The following PTPRN2 variants were observed in gnomAD, a reference collection of about 807,000 sequenced individuals.
The protein encoded by PTPRN2 is receptor-type tyrosine-protein phosphatase N2.
A neutral mutation model predicts 118.8 loss-of-function variants in PTPRN2; 74 were observed. The ratio of observed to expected loss-of-function variants is 0.62; its 90% CI spans 0.52 to 0.76. PTPRN2 has a LOEUF of 0.76. PTPRN2 is among the 30% of genes least tolerant of loss of function. PTPRN2 has a pLI of 0.00. For missense variants in PTPRN2, 1,481 were observed against 1,394.4 expected (o/e 1.06, Z -0.99); for synonymous variants, 641 against 608.0 (o/e 1.05, Z -0.80).
intron 10 of PTPRN2, among the ~76,000 whole-genome samples, chr7:158,102,190 AG>A (rs1184185258): frequency 6.6e-6 from 1 of 152,168 alleles, no homozygotes; most frequent in African/African-American, 2.4e-5. Context: ...GGCGGCCAGG[AG>A]GGAACCTTCA....
intron 3 of PTPRN2, among the ~76,000 whole-genome samples, chr7:158,235,102 C>T (rs1053961638): frequency 3.3e-5 from 5 of 151,764 alleles, no homozygotes; most frequent in African/African-American, 1.2e-4. Context: ...TAACAAATGG[C>T]TGGCACGGAT....
intron 2 of PTPRN2, among the ~76,000 whole-genome samples, chr7:158,470,449 G>T (rs568659163): frequency 7.2e-5 from 11 of 152,312 alleles, no homozygotes; most frequent in African/African-American, 2.6e-4. Context: ...TCCTGAAAAG[G>T]TTCACGCGAG....
chr7:158,406,101 C>T (rs13307022), intron 2 of PTPRN2, among the ~76,000 whole-genome samples: 27 of 64,002 alleles, frequency 4.2e-4, no homozygotes, highest in Non-Finnish European at 6.1e-4. Flanking sequence ...GACACGTGGC[C>T]GCACACTGAG....
At chr7:158,047,284 C>A (rs1260968178) in intron 11 of PTPRN2, among the ~76,000 whole-genome samples, 1 of 152,212 alleles carries the variant, frequency 6.6e-6, no homozygotes, top group Non-Finnish European at 1.5e-5. Context: ...GCAGAACAGG[C>A]CAGGAGCCGA....
rs1315565880 is a variant in PTPRN2, at chr7:157,659,332, G to T, written c.2002-2781C>A. Among the ~76,000 whole-genome samples, 4 of 104,994 alleles carry T rather than the reference G, an allele frequency of 3.8e-5. No homozygotes were observed. The East Asian group carries it at 1.3e-3, about 35-fold the overall frequency. The allele number at this position is 104,994 out of a possible 152,430, so 68.9% of individuals were successfully genotyped here. On this transcript the variant is annotated intron_variant, in intron 13 of 22. Transcript: ENST00000389418. ...GGGGGGGATGACCCCGGGGACTGGGGGGGGACGACTGCGGGGATGGGGGGG... is the reference window on the plus strand; with the variant it reads ...GGGGGGGATGACCCCGGGGACTGGGTGGGGACGACTGCGGGGATGGGGGGG...
At chr7:157,680,602 A>C (rs1297567174) in intron 13 of PTPRN2, among the ~76,000 whole-genome samples, 3 of 152,222 alleles carry the variant, frequency 2.0e-5, no homozygotes. Context: ...GCTCCGCCAA[A>C]ACACAAATCA....
rs373949444 is a variant in PTPRN2 at position 158,406,031 on chromosome 7, G to A, written c.163+83704C>T. On this transcript the variant is annotated intron_variant, in intron 2 of 22. Transcript: ENST00000389418. ...ACACGTGGCTGCACACTGAGATCCCGGTGGCTCATCCGTGAGACACGTGGC... is the reference window on the plus strand; with the variant it reads ...ACACGTGGCTGCACACTGAGATCCCAGTGGCTCATCCGTGAGACACGTGGC... Among the ~76,000 whole-genome samples the A allele has an allele frequency of 2.1e-4, 30 of 141,686 alleles. 1 individual carries two copies. In the South Asian group the frequency reaches 4.7e-3, roughly 22 times the overall value. 93.0% of individuals were successfully genotyped at this position (141,686 alleles called of 152,430 possible).
intron 3 of PTPRN2, among the ~76,000 whole-genome samples, chr7:158,305,424 G>C (rs1202053616): frequency 6.6e-6 from 1 of 152,132 alleles, no homozygotes; most frequent in Non-Finnish European, 1.5e-5. Flanking sequence ...GGGAGGTGGA[G>C]AGAGAAAGAG....
chr7:157,741,662 C>T (rs1800640672), intron 12 of PTPRN2, among the ~76,000 whole-genome samples: 1 of 152,160 alleles, frequency 6.6e-6, no homozygotes, highest in African/African-American at 2.4e-5. Context: ...GTCAGTTTTA[C>T]TGGTTGTACG....
intron 5 of PTPRN2, among the ~76,000 whole-genome samples, chr7:158,189,434 C>A (rs776146556): frequency 1.3e-5 from 2 of 152,208 alleles, no homozygotes; most frequent in Non-Finnish European, 1.5e-5. Flanking sequence ...TTGCAGGTGA[C>A]GACTCGCTCA....
intron 3 of PTPRN2, among the ~76,000 whole-genome samples, chr7:158,275,356 T>G (rs1019873557): frequency 6.6e-6 from 1 of 152,168 alleles, no homozygotes; most frequent in Non-Finnish European, 1.5e-5. Context: ...AGCCACAGCT[T>G]CACTGTGCTG....
intron 11 of PTPRN2, among the ~76,000 whole-genome samples, chr7:157,983,346 G>C (rs1199917379): frequency 6.6e-6 from 1 of 150,378 alleles, no homozygotes; most frequent in East Asian, 2.0e-4. Flanking sequence ...GCAGTGCAGG[G>C]TCCCCCCTAA....
intron 15 of PTPRN2, among the ~76,000 whole-genome samples, chr7:157,606,945 A>G (rs1321133494): frequency 2.0e-5 from 3 of 152,196 alleles, no homozygotes; most frequent in Non-Finnish European, 4.4e-5. Context: ...AGGGGTGACA[A>G]GATGGGATAA....
chr7:157,714,167 C>T (rs967788565), intron 12 of PTPRN2, among the ~76,000 whole-genome samples: 8 of 152,162 alleles, frequency 5.3e-5, no homozygotes, highest in Admixed American at 3.9e-4. Flanking sequence ...TCACAGGTCA[C>T]GTTAGAAGGC....
At position 158,531,048 on chromosome 7, in the gene PTPRN2, G is replaced by T. The variant is rs151048760; in HGVS notation, c.113-41263C>A. ...GGTGTGTGTGTGAACATGTGCATGG[G>T]CGTGGGTGAGCATGTGCACACAAAC... On this transcript the variant is annotated intron_variant, in intron 1 of 22. Coordinates refer to ENST00000389418, the MANE Select transcript of PTPRN2 (RefSeq NM_002847.5). Among the ~76,000 whole-genome samples the T allele has an allele frequency of 1.3e-3, 194 of 152,236 alleles. 1 individual carries two copies. Among genetic ancestry groups the T allele is most frequent in the South Asian group, 7.9e-3 (38 of 4,820 alleles).
intron 1 of PTPRN2, among the ~76,000 whole-genome samples, chr7:158,501,281 C>A (rs549312752): frequency 6.6e-6 from 1 of 152,200 alleles, no homozygotes; most frequent in South Asian, 2.1e-4. Context: ...ACCCTCTCCC[C>A]GCCCGGGGCT....
At chr7:157,805,314 T>TGTGTGTGTGC (rs776700495) in intron 12 of PTPRN2, among the ~76,000 whole-genome samples, 2 of 149,042 alleles carry the variant, frequency 1.3e-5, no homozygotes, top group African/African-American at 5.1e-5. Flanking sequence ...TGTGTGTGTG[T>TGTGTGTGTGC]GTGCGTGTGC....
intron 11 of PTPRN2, among the ~76,000 whole-genome samples, chr7:157,904,974 C>T (rs751988099): frequency 3.9e-5 from 6 of 152,190 alleles, no homozygotes; most frequent in Non-Finnish European, 8.8e-5. Context: ...CGACACCTCC[C>T]GACATTATTC....
rs554461089 is a variant in PTPRN2, at chr7:157,831,727, C to T, written c.1788+66946G>A. Among the ~76,000 whole-genome samples the T allele has an allele frequency of 2.6e-5, 4 of 152,318 alleles. No homozygotes were observed. Among genetic ancestry groups the T allele is most frequent in the South Asian group, 2.1e-4 (1 of 4,820 alleles). On this transcript the variant is annotated intron_variant, in intron 12 of 22. Transcript: ENST00000389418. This position sits in a 1 kb window ranked among gnomAD's most constrained non-coding sequence, Gnocchi z 4.8. ...GAGAAGCAGGGAAGGTATAGGCTGCCGTCTCCCTCCCCCAGGCAGCTGGGG... is the reference window on the plus strand; with the variant it reads ...GAGAAGCAGGGAAGGTATAGGCTGCTGTCTCCCTCCCCCAGGCAGCTGGGG...
Sources: gnomAD v4.1 joint callset for allele counts (sites outside exome capture counted in the v4.1 genomes callset) on GRCh38, gnomAD v4.1.1 for gene constraint, Gnocchi (gnomAD v3.1) non-coding constraint, MANE v1.5 for transcripts, NCBI Gene and HGNC (gene_info 2026-07-23, HGNC 2026-07-21) for gene names.